Variants in TMEM80 observed in about 807,000 individuals in gnomAD.
TMEM80 encodes the protein transmembrane protein 80.
A neutral mutation model predicts 13.6 loss-of-function variants in TMEM80; 16 were observed. The ratio of observed to expected loss-of-function variants is 1.17; its 90% CI spans 0.79 to 1.78. The LOEUF is 1.78. TMEM80 is among the 40% of genes most tolerant of loss of function. The pLI is 0.00. For missense variants in TMEM80, 167 were observed against 184.6 expected (o/e 0.90, Z 0.55); for synonymous variants, 92 against 89.5 (o/e 1.03, Z -0.16).
At chr11:704,369 C>A, downstream of TMEM80, 1 of 1,076,232 alleles carries the variant, frequency 9.3e-7, no homozygotes, top group Non-Finnish European at 1.3e-6. Context: ...TCTTTCCTGC[C>A]TGTCTTCGTG....
upstream of TMEM80, chr11:695,715 C>G (rs539485113): frequency 8.1e-7 from 1 of 1,240,962 alleles, no homozygotes; most frequent in East Asian, 3.2e-5. Flanking sequence ...GCTCCCGAAA[C>G]GCGGCGCGGT....
chr11:696,954 C>T (rs1861207080), intron 1 of TMEM80, among the ~76,000 whole-genome samples: 1 of 149,498 alleles, frequency 6.7e-6, no homozygotes, highest in Admixed American at 6.7e-5. Flanking sequence ...TGGTGCATGC[C>T]TGTAATCCCA....
chr11:704,506 G>T (rs751251365), downstream of TMEM80: 2 of 1,289,230 alleles, frequency 1.6e-6, no homozygotes, highest in South Asian at 2.5e-5. Context: ...TGAGCGCCTC[G>T]GGCCACCTCC....
At position 704,063 on chromosome 11, in the gene TMEM80, C is replaced by A. The variant is rs1176079893; in HGVS notation, c.*913C>A. On this transcript the variant is annotated 3_prime_UTR_variant, in exon 5 of 5. Coordinates refer to ENST00000397510, the MANE Select transcript of TMEM80 (RefSeq NM_001042463.3). ...GTTTTCTATGTTTGGAATAATTACACCCAAATATCTAGATATTTTCTCTTC... is the reference window on the plus strand; with the variant it reads ...GTTTTCTATGTTTGGAATAATTACAACCAAATATCTAGATATTTTCTCTTC... 8.8e-7 allele frequency: 1 copy of A among 1,142,362 alleles called. No individual in the cohort carries two copies. The highest frequency in any genetic ancestry group is 1.1e-6 in the Non-Finnish European group (1 of 928,686). The allele number at this position is 1,142,362 out of a possible 1,614,324, so 70.8% of individuals were successfully genotyped here.
upstream of TMEM80, chr11:695,762 G>A: frequency 8.1e-7 from 1 of 1,239,338 alleles, no homozygotes; most frequent in Admixed American, 4.2e-5. Context: ...AATGGCCGAA[G>A]GAGCGCGAGC....
chr11:701,458 TG>T (rs1339949080), intron 4 of TMEM80, among the ~76,000 whole-genome samples: 2 of 140,160 alleles, frequency 1.4e-5, no homozygotes, highest in Non-Finnish European at 3.0e-5. Context: ...TCGCCCAGGC[TG>T]GAGTGCAGTG....
At chr11:695,716 G>A (rs972377061), upstream of TMEM80, 1 of 1,240,876 alleles carries the variant, frequency 8.1e-7, no homozygotes, top group Non-Finnish European at 1.0e-6. Context: ...CTCCCGAAAC[G>A]CGGCGCGGTC....
At chr11:704,494 C>T, downstream of TMEM80, 1 of 1,289,336 alleles carries the variant, frequency 7.8e-7, no homozygotes, top group Non-Finnish European at 1.0e-6. Flanking sequence ...CACACCAGCG[C>T]CTGAGCGCCT....
rs1270271383 is a variant in TMEM80, at chr11:700,122, G to A, written c.40-20G>A. Reference sequence around the variant, plus strand: ...TGCTCCCAAGCCTGTTGAGCTTGAGGATCCTTAACCACTCACCAGCTCTCT... The same window carrying A: ...TGCTCCCAAGCCTGTTGAGCTTGAGAATCCTTAACCACTCACCAGCTCTCT... On this transcript the variant is annotated intron_variant, in intron 2 of 4. Transcript: ENST00000397510. The A allele has an allele frequency of 6.2e-7, 1 of 1,610,650 alleles. No individual in the cohort carries two copies. Among genetic ancestry groups the A allele is most frequent in the Non-Finnish European group, 8.5e-7 (1 of 1,177,234 alleles).
At chr11:704,577 GC>G (rs1564965143), downstream of TMEM80, 1 of 1,287,000 alleles carries the variant, frequency 7.8e-7, no homozygotes, top group Non-Finnish European at 1.0e-6. Context: ...GGAGGACCCA[GC>G]CCACAAACCA....
intron 2 of TMEM80, 193 bp downstream of exon 2, chr11:699,081 A>G (rs925526061): frequency 1.2e-5 from 8 of 677,614 alleles, no homozygotes; most frequent in South Asian, 1.0e-4. Flanking sequence ...TCCATCCCCT[A>G]CCTGCTCAGC....
At chr11:699,011 G>A in intron 2 of TMEM80, 123 bp downstream of exon 2, 1 of 1,191,888 alleles carries the variant, frequency 8.4e-7, no homozygotes, top group Non-Finnish European at 1.2e-6. Context: ...TTTGGAGAGG[G>A]GGGTGTTCCT....
rs144824884 is a variant in TMEM80, at chr11:701,693, G to A, written c.226+986G>A. Among the ~76,000 whole-genome samples, 280 of 152,208 alleles carry A rather than the reference G, an allele frequency of 1.8e-3. 2 individuals are homozygous for A. The highest frequency in any genetic ancestry group is 3.4e-3 in the Middle Eastern group (1 of 294). ...CAAAGTGCTGGGATTACAGGCGTGA[G>A]CCACCGCGCCCGGCCGGAGACAGGG... On this transcript the variant is annotated intron_variant, in intron 4 of 4. Transcript: ENST00000397510.
chr11:702,526 A>G (rs924207060), intron 4 of TMEM80, among the ~76,000 whole-genome samples: 2 of 152,326 alleles, frequency 1.3e-5, no homozygotes, highest in East Asian at 1.9e-4. Flanking sequence ...TTTTTAATAC[A>G]TACTCGTGAA....
chr11:698,860 C>A lies in TMEM80; in HGVS notation c.20-9C>A. On this transcript the variant is annotated splice_polypyrimidine_tract_variant and intron_variant, in intron 1 of 4. Transcript: ENST00000397510. Reference sequence around the variant, plus strand: ...GTCAGGCCTTGCTCACGGCCCCTTTCTCTTTCAGGGAGAGGATCCTCCACA... The same window carrying A: ...GTCAGGCCTTGCTCACGGCCCCTTTATCTTTCAGGGAGAGGATCCTCCACA... 3 of 1,614,192 alleles carry A rather than the reference C, an allele frequency of 1.9e-6. No homozygotes were observed. The highest frequency in any genetic ancestry group is 2.5e-6 in the Non-Finnish European group (3 of 1,180,040).
At chr11:702,212 A>C (rs935457967) in intron 4 of TMEM80, among the ~76,000 whole-genome samples, 2 of 152,162 alleles carry the variant, frequency 1.3e-5, no homozygotes, top group Non-Finnish European at 2.9e-5. Flanking sequence ...TGCCCATCCC[A>C]CTGAGGGGTG....
chr11:699,133 A>T, intron 2 of TMEM80: 1 of 502,774 alleles, frequency 2.0e-6, no homozygotes, highest in Non-Finnish European at 3.5e-6. Flanking sequence ...CCGGCTCCCA[A>T]GGCGATGGCC....
chr11:703,644 G>A lies in TMEM80; in HGVS notation c.*494G>A. 8.1e-7 allele frequency: 1 copy of A among 1,232,824 alleles called. No homozygotes were observed. The highest frequency in any genetic ancestry group is 1.0e-6 in the Non-Finnish European group (1 of 988,660). 76.4% of individuals were successfully genotyped at this position (1,232,824 alleles called of 1,614,324 possible). A position where few individuals can be genotyped will look rare whatever the true frequency, so the allele number is the denominator to read the frequency against. ...CCAAGTCGGGCTGGAGACGCAGGAT[G>A]GGGTAGGCCTTGTGCTCTGAGCAAC... On this transcript the variant is annotated 3_prime_UTR_variant, in exon 5 of 5. Transcript: ENST00000397510.
At chr11:704,769 TC>T, downstream of TMEM80, 20 of 692,276 alleles carry the variant, frequency 2.9e-5, no homozygotes, top group South Asian at 3.5e-4. Context: ...CTGGACTGTC[TC>T]CTGAGGGCAG....
Sources: gnomAD v4.1 joint callset for allele counts (sites outside exome capture counted in the v4.1 genomes callset) on GRCh38, gnomAD v4.1.1 for gene constraint, MANE v1.5 for transcripts, NCBI Gene and HGNC (gene_info 2026-07-23, HGNC 2026-07-21) for gene names.